Variants in BRPF1 observed in about 807,000 individuals in gnomAD.
BRPF1 encodes the protein peregrin.
Under a neutral mutation model 115.0 loss-of-function variants are expected in BRPF1, and 15 were observed. The ratio of observed to expected loss-of-function variants is 0.13; its 90% CI spans 0.09 to 0.20. The LOEUF is 0.20. BRPF1 is among the 10% of genes least tolerant of loss of function. The pLI is 1.00. For missense variants in BRPF1, 1,118 were observed against 1,638.3 expected (o/e 0.68, Z 5.48); for synonymous variants, 647 against 619.8 (o/e 1.04, Z -0.65).
intron 4 of BRPF1, 82 bp from the exon 5 acceptor site, chr3:9,741,226 T>G (rs2125503988): frequency 2.7e-6 from 4 of 1,491,588 alleles, no homozygotes; most frequent in Non-Finnish European, 3.6e-6. Context: ...TGGCTTGACC[T>G]GAGTTTCCTG....
At chr3:9,744,584 C>A in intron 9 of BRPF1, 76 bp downstream of exon 9, 1 of 1,135,956 alleles carries the variant, frequency 8.8e-7, no homozygotes, top group South Asian at 1.7e-5. Flanking sequence ...CCCAGTTACC[C>A]CTTTATTTGC....
In BRPF1 at chr3:9,747,053, C is replaced by T; in HGVS notation, c.3480-113C>T. On this transcript the variant is annotated intron_variant, in intron 13 of 13. Transcript: ENST00000383829. This position sits in a 1 kb window ranked among gnomAD's most constrained non-coding sequence, Gnocchi z 5.6. Reference sequence around the variant, plus strand: ...ACAGTCCTTTGAGGGCAGGGACCATCACAGAGTCTGGCCAGAGTGGGTGCT... The same window carrying T: ...ACAGTCCTTTGAGGGCAGGGACCATTACAGAGTCTGGCCAGAGTGGGTGCT... The T allele has an allele frequency of 1.7e-6, 2 of 1,183,812 alleles. No individual in the cohort carries two copies. Among genetic ancestry groups the T allele is most frequent in the Non-Finnish European group, 2.5e-6 (2 of 810,332 alleles). 73.3% of individuals were successfully genotyped at this position (1,183,812 alleles called of 1,614,324 possible).
rs1042623772 is a variant in BRPF1, at chr3:9,743,970, C to G, written c.2635+69C>G. ...TTGGCTCTGCAGCACACACTCAACC[C>G]CTGCCATTCCCCAGGCAGAGGTCCC... On this transcript the variant is annotated intron_variant, in intron 8 of 13. Transcript: ENST00000383829. The surrounding 1 kb of genome is among the most constrained non-coding windows in gnomAD (Gnocchi z 6.1). 29 of 1,477,022 alleles carry G rather than the reference C, an allele frequency of 2.0e-5. No individual in the cohort carries two copies. The East Asian group carries it at 6.1e-4, about 31-fold the overall frequency. 91.5% of individuals were successfully genotyped at this position (1,477,022 alleles called of 1,614,324 possible).
At chr3:9,746,524 C>T in intron 13 of BRPF1, 70 bp downstream of exon 13, 2 of 1,421,056 alleles carry the variant, frequency 1.4e-6, no homozygotes, top group Non-Finnish European at 1.9e-6. Flanking sequence ...GGGCAGACTG[C>T]CAGGAAACTC....
In BRPF1 at chr3:9,743,233, C is replaced by G. The variant is rs776436120; in HGVS notation, c.2291C>G (p.Ala764Gly). The change falls in exon 7 of 14, where the codon GCC becomes GGC. Residue 764 changes from alanine to glycine, a missense_variant. By Grantham distance (60) the Ala-to-Gly change is moderately conservative. Around this residue, in one of 10 missense-constraint regions of BRPF1, gnomAD observed 223 missense variants for 240.7 expected, o/e 0.93. Coordinates refer to ENST00000383829, the MANE Select transcript of BRPF1 (RefSeq NM_001003694.2). The surrounding 1 kb of genome is among the most constrained non-coding windows in gnomAD (Gnocchi z 6.1). ...CCCCACAGCCTGGCTGGAGATGAGG[C>G]CACACACCACACTGAAGATGGTGGG... ...HIPHSLAGDEATHHTEDAAEE... is the reference protein window; with the variant it reads ...HIPHSLAGDEGTHHTEDAAEE... 1 of 1,613,368 alleles carries G rather than the reference C, an allele frequency of 6.2e-7. No homozygotes were observed. Among genetic ancestry groups the G allele is most frequent in the Non-Finnish European group, 8.5e-7 (1 of 1,179,460 alleles).
Position 9,739,665 on chromosome 3 carries a change from G to A in BRPF1, c.1266G>A (p.Lys422=), listed in dbSNP as rs1486046885. The A allele has an allele frequency of 1.2e-6, 2 of 1,612,808 alleles. No homozygotes were observed. The part of the protein sequence containing the change: ...TCAQQAGLYM[K]MEPVRETGAN... Reference sequence around the variant, plus strand: ...CCCAGCAGGCTGGCCTTTACATGAAGATGGAGCCTGTGCGGGAGACAGGCG... The same window carrying A: ...CCCAGCAGGCTGGCCTTTACATGAAAATGGAGCCTGTGCGGGAGACAGGCG... Residue 422 remains lysine (K), a synonymous_variant, in exon 3 of 14, where the codon AAG becomes AAA. Coordinates refer to ENST00000383829, the MANE Select transcript of BRPF1 (RefSeq NM_001003694.2).
chr3:9,746,516 G>A (rs2077129435), intron 13 of BRPF1, 62 bp downstream of exon 13: 5 of 1,443,868 alleles, frequency 3.5e-6, no homozygotes, highest in East Asian at 2.5e-5. Context: ...TGGTATGGGG[G>A]CAGACTGCCA....
Position 9,738,907 on chromosome 3 carries a change from C to CA in BRPF1, c.600-91dup, listed in dbSNP as rs1234370071. The CA allele has an allele frequency of 5.8e-6, 7 of 1,217,206 alleles. 1 individual carries two copies. Among genetic ancestry groups the CA allele is most frequent in the Middle Eastern group, 2.5e-4 (1 of 4,012 alleles). 75.4% of individuals were successfully genotyped at this position (1,217,206 alleles called of 1,614,324 possible). On this transcript the variant is annotated intron_variant, in intron 2 of 13. Coordinates refer to ENST00000383829, the MANE Select transcript of BRPF1 (RefSeq NM_001003694.2). ...AGACAACACATCTGAAGGGCATAGGCACAGAGTAAGTGCTCAATGGCAAAT... is the reference window on the plus strand; with the variant it reads ...AGACAACACATCTGAAGGGCATAGGCAACAGAGTAAGTGCTCAATGGCAAAT...
chr3:9,747,444 A>G lies in BRPF1; in HGVS notation c.*95A>G. 6.8e-7 allele frequency: 1 copy of G among 1,471,562 alleles called. No homozygotes were observed. The highest frequency in any genetic ancestry group is 9.3e-7 in the Non-Finnish European group (1 of 1,078,916). 91.2% of individuals were successfully genotyped at this position (1,471,562 alleles called of 1,614,324 possible). A position where few individuals can be genotyped will look rare whatever the true frequency, so the allele number is the denominator to read the frequency against. ...GTGGCACCGGCCTCTGCACTGACTC[A>G]TTTCTGGTCTTGGGGCCAGTCTCAG... is the stretch of plus-strand genomic sequence containing the variant. On this transcript the variant is annotated 3_prime_UTR_variant, in exon 14 of 14. Coordinates refer to ENST00000383829, the MANE Select transcript of BRPF1 (RefSeq NM_001003694.2). The surrounding 1 kb of genome is among the most constrained non-coding windows in gnomAD (Gnocchi z 5.6).
At position 9,743,778 on chromosome 3, in the gene BRPF1, G is replaced by A; in HGVS notation, c.2512G>A (p.Asp838Asn). The A allele has an allele frequency of 6.2e-7, 1 of 1,614,174 alleles. No homozygotes were observed. Among genetic ancestry groups the A allele is most frequent in the Non-Finnish European group, 8.5e-7 (1 of 1,180,042 alleles). ...KLAHQRETGR[D>N]GPERHGPSSR... Reference sequence around the variant, plus strand: ...TGCCCATCAGCGAGAGACGGGACGTGATGGCCCTGAGCGGCATGGCCCCTC... The same window carrying A: ...TGCCCATCAGCGAGAGACGGGACGTAATGGCCCTGAGCGGCATGGCCCCTC... The change falls in exon 8 of 14, where the codon GAT becomes AAT. Residue 838 changes from aspartate to asparagine, a missense_variant. Asp to Asn is a conservative substitution (Grantham distance 23, BLOSUM62 1). This residue lies in a region of BRPF1 where 223 missense variants were observed against 240.7 expected (regional missense o/e 0.93). Transcript: ENST00000383829. This position sits in a 1 kb window ranked among gnomAD's most constrained non-coding sequence, Gnocchi z 6.1.
At chr3:9,746,514 G>A in intron 13 of BRPF1, 60 bp downstream of exon 13, 1 of 1,446,696 alleles carries the variant, frequency 6.9e-7, no homozygotes, top group Non-Finnish European at 9.2e-7. Flanking sequence ...TGTGGTATGG[G>A]GGCAGACTGC....
Position 9,745,237 on chromosome 3 carries a change from G to A in BRPF1, c.3068+82G>A. 6.7e-7 allele frequency: 1 copy of A among 1,502,350 alleles called. No individual in the cohort carries two copies. The highest frequency in any genetic ancestry group is 8.9e-7 in the Non-Finnish European group (1 of 1,122,912). The allele number at this position is 1,502,350 out of a possible 1,614,324, so 93.1% of individuals were successfully genotyped here. The stretch of plus-strand genomic sequence containing the variant: ...GCCTGTGTAGGTTTCCCTGTTGGAA[G>A]TGGGGTGGCAGCCATCTCAGTCTAG... On this transcript the variant is annotated intron_variant, in intron 10 of 13. Transcript: ENST00000383829. This position sits in a 1 kb window ranked among gnomAD's most constrained non-coding sequence, Gnocchi z 5.1.
chr3:9,740,380 T>C (rs922889309), intron 3 of BRPF1, among the ~76,000 whole-genome samples: 1 of 152,248 alleles, frequency 6.6e-6, no homozygotes, highest in African/African-American at 2.4e-5. Flanking sequence ...GGGATTTTTT[T>C]AGTTCTCTTG....
At position 9,739,615 on chromosome 3, in the gene BRPF1, T is replaced by TA. The variant is rs759029777; in HGVS notation, c.1217dup (p.Tyr406Ter). The TA allele has an allele frequency of 6.2e-7, 1 of 1,609,770 alleles. No homozygotes were observed. The change falls in exon 3 of 14, where the codon TAC (tyrosine) becomes TAAC (stop). Residue 406 changes from tyrosine to a stop codon, truncating the protein, a stop_gained and frameshift_variant. Transcript: ENST00000383829. LOFTEE classifies it high-confidence loss of function. ...ACIQCHKANC[Y>*]TAFHVTCAQQ... ...CATCCAGTGCCACAAGGCCAACTGT[T>TA]ACACAGCTTTCCATGTGACATGCGC...
chr3:9,743,720 C>T lies in BRPF1; in HGVS notation c.2454C>T (p.Ile818=), dbSNP rs972712135. The change falls in exon 8 of 14, where the codon ATC becomes ATT. Residue 818 remains isoleucine (I), a synonymous_variant. Coordinates refer to ENST00000383829, the MANE Select transcript of BRPF1 (RefSeq NM_001003694.2). The surrounding 1 kb of genome is among the most constrained non-coding windows in gnomAD (Gnocchi z 6.1). Reference sequence around the variant, plus strand: ...GCCGCTCACGGCGTGCAAAGATGATCAAGAAAGAGATGACGGCACTGCGGC... The same window carrying T: ...GCCGCTCACGGCGTGCAAAGATGATTAAGAAAGAGATGACGGCACTGCGGC... ...SVGRSRRAKM[I]KKEMTALRRK... is the part of the protein sequence containing the mutation. The T allele has an allele frequency of 1.9e-6, 3 of 1,614,168 alleles. No homozygotes were observed. In the African/African-American group the frequency reaches 4.0e-5, roughly 22 times the overall value.
At chr3:9,735,203 G>C (rs572215970) in intron 2 of BRPF1, among the ~76,000 whole-genome samples, 1 of 152,008 alleles carries the variant, frequency 6.6e-6, no homozygotes, top group East Asian at 1.9e-4. Flanking sequence ...TGTAGAGATG[G>C]GGTTTCACCA....
chr3:9,745,209 TG>T lies in BRPF1; in HGVS notation c.3068+57del. ...TCAGGGGATGCCCTTCCAGGGCTCT[TG>T]GGCCTGTGTAGGTTTCCCTGTTGGA... On this transcript the variant is annotated intron_variant, in intron 10 of 13. Coordinates refer to ENST00000383829, the MANE Select transcript of BRPF1 (RefSeq NM_001003694.2). The surrounding 1 kb of genome is among the most constrained non-coding windows in gnomAD (Gnocchi z 5.1). 4 of 1,577,052 alleles carry T rather than the reference TG, an allele frequency of 2.5e-6. No homozygotes were observed. The highest frequency in any genetic ancestry group is 3.4e-6 in the Non-Finnish European group (4 of 1,164,728).
In BRPF1 at chr3:9,742,936, CCT is replaced by C; in HGVS notation, c.2002-7_2002-6del. 3 of 1,609,448 alleles carry C rather than the reference CCT, an allele frequency of 1.9e-6. No homozygotes were observed. In the East Asian group the frequency reaches 6.7e-5, roughly 36 times the overall value. On this transcript the variant is annotated splice_polypyrimidine_tract_variant and splice_region_variant and intron_variant, in intron 6 of 13. Coordinates refer to ENST00000383829, the MANE Select transcript of BRPF1 (RefSeq NM_001003694.2). ...TCCACTTAAAACAAACCTGCCCTGC[CCT>C]TCCAGGTACCTGACTACCTAGACCA... is the stretch of plus-strand genomic sequence containing the variant.
At position 9,734,066 on chromosome 3, in the gene BRPF1, G is replaced by A. The variant is rs2125489457; in HGVS notation, c.-10-65G>A. The A allele has an allele frequency of 4.0e-6, 6 of 1,518,970 alleles. No individual in the cohort carries two copies. Among genetic ancestry groups the A allele is most frequent in the East Asian group, 2.3e-5 (1 of 44,032 alleles). The allele number at this position is 1,518,970 out of a possible 1,614,324, so 94.1% of individuals were successfully genotyped here. ...TGAGGGGGAGGGCTAGAAAGACTGG[G>A]GTCTCTGGTGCAAATGGCCAGGAAC... On this transcript the variant is annotated intron_variant, in intron 1 of 13. Transcript: ENST00000383829. The surrounding 1 kb of genome is among the most constrained non-coding windows in gnomAD (Gnocchi z 5.7).
Sources: gnomAD v4.1 joint callset for allele counts (sites outside exome capture counted in the v4.1 genomes callset) on GRCh38, gnomAD v4.1.1 for gene constraint, gnomAD v4.1.1 regional missense constraint, Gnocchi (gnomAD v3.1) non-coding constraint, MANE v1.5 for transcripts, NCBI Gene and HGNC (gene_info 2026-07-23, HGNC 2026-07-21) for gene names.